The following TEX2 variants were observed in gnomAD, a reference collection of about 807,000 sequenced individuals.
TEX2 encodes testis-expressed protein 2.
A neutral mutation model predicts 106.9 loss-of-function variants in TEX2; 53 were observed. The ratio of observed to expected loss-of-function variants is 0.50; its 90% confidence interval spans 0.40 to 0.62. The LOEUF (loss-of-function observed/expected upper bound fraction) is 0.62, where lower values mean the gene tolerates loss of function less well. TEX2 is among the 20% of genes least tolerant of loss of function. The pLI is 0.00. For synonymous variants in TEX2, 523 were observed against 534.8 expected, an observed-to-expected ratio of 0.98 and a Z score of 0.30; for missense variants, 1,207 against 1,379.0, an observed-to-expected ratio of 0.88 and a Z score of 1.98.
At chr17:64,209,661 A>G (rs968318374) in intron 2 of TEX2, among the ~76,000 whole-genome samples, 1 of 152,226 alleles carries the variant, frequency 6.6e-6, no homozygotes, top group African/African-American at 2.4e-5. Context: ...AAAAGAAAAC[A>G]CTGTCCTACA....
Position 64,185,819 on chromosome 17 carries a change from G to T in TEX2, c.2424+2349C>A, listed in dbSNP as rs1357716668. 6.6e-6 allele frequency among the ~76,000 whole-genome samples: 1 copy of T among 152,176 alleles called. No homozygotes were observed. The highest frequency in any genetic ancestry group is 1.5e-5 in the Non-Finnish European group (1 of 68,026). ...TGACTGCAGTCCTGGCTACTCAGGA[G>T]GCTGAGGCAGAAGAATTGCTTGAAC... On this transcript the variant is annotated intron_variant, in intron 5 of 11. Coordinates refer to ENST00000584379, the MANE Select transcript of TEX2 (RefSeq NM_001288732.2). The surrounding 1 kb of genome is among the most constrained non-coding windows in gnomAD (Gnocchi z 4.0).
chr17:64,168,274 A>G (rs766715384), intron 7 of TEX2, among the ~76,000 whole-genome samples: 3 of 152,204 alleles, frequency 2.0e-5, no homozygotes, highest in Non-Finnish European at 4.4e-5. Context: ...TTTTATCATC[A>G]TACATGCATC....
chr17:64,152,347 G>C (rs2030398514), intron 10 of TEX2, among the ~76,000 whole-genome samples: 1 of 152,170 alleles, frequency 6.6e-6, no homozygotes, highest in South Asian at 2.1e-4. Flanking sequence ...GATGGGCCAG[G>C]CATAGCTATA....
chr17:64,222,530 A>G (rs1170933652), intron 1 of TEX2, among the ~76,000 whole-genome samples: 1 of 151,800 alleles, frequency 6.6e-6, no homozygotes, highest in Non-Finnish European at 1.5e-5. Flanking sequence ...AAAAAAAAAA[A>G]AAAAAAGCAA....
chr17:64,236,125 C>G (rs1010843269), intron 1 of TEX2, among the ~76,000 whole-genome samples: 1 of 151,914 alleles, frequency 6.6e-6, no homozygotes, highest in South Asian at 2.1e-4. Flanking sequence ...GGTTCCACAT[C>G]CGCAGATTCA....
chr17:64,168,901 G>GTTTTTTT lies in TEX2; in HGVS notation c.2671+2198_2671+2199insAAAAAAA, dbSNP rs1232809947. ...GCTATGCAGTGAACACATAGATGGTGCTTTTTTTTTTTTTTTTTGAGACAG... is the reference window on the plus strand; with the variant it reads ...GCTATGCAGTGAACACATAGATGGTGTTTTTTTCTTTTTTTTTTTTTTTTTGAGACAG... On this transcript the variant is annotated intron_variant, in intron 7 of 11. Transcript: ENST00000584379. Among the ~76,000 whole-genome samples the GTTTTTTT allele has an allele frequency of 2.7e-3, 95 of 35,190 alleles. 1 individual carries two copies. In the Middle Eastern group the frequency reaches 0.083, roughly 31 times the overall value. The allele number at this position is 35,190 out of a possible 152,430, so 23.1% of individuals were successfully genotyped here. A position where few individuals can be genotyped will look rare whatever the true frequency, so the allele number is the denominator to read the frequency against.
At position 64,158,826 on chromosome 17, in the gene TEX2, C is replaced by A. The variant is rs987440911; in HGVS notation, c.2804+1975G>T. On this transcript the variant is annotated intron_variant, in intron 8 of 11. Coordinates refer to ENST00000584379, the MANE Select transcript of TEX2 (RefSeq NM_001288732.2). Reference sequence around the variant, plus strand: ...TCCATTTTTCTGGGCCTTTTTCTCCCAAATGAAGTGCTGCTGGATTGTATT... The same window carrying A: ...TCCATTTTTCTGGGCCTTTTTCTCCAAAATGAAGTGCTGCTGGATTGTATT... Among the ~76,000 whole-genome samples the A allele has an allele frequency of 5.3e-5, 8 of 152,238 alleles. 1 individual carries two copies. The highest frequency in any genetic ancestry group is 5.2e-4 in the Admixed American group (8 of 15,296).
chr17:64,222,814 T>C (rs1414061373), intron 1 of TEX2, among the ~76,000 whole-genome samples: 2 of 136,134 alleles, frequency 1.5e-5, no homozygotes, highest in Non-Finnish European at 1.6e-5. Flanking sequence ...TATGCTCCCA[T>C]ACATTTGGGG....
intron 8 of TEX2, among the ~76,000 whole-genome samples, chr17:64,159,379 C>A (rs907585163): frequency 2.0e-5 from 3 of 152,096 alleles, no homozygotes; most frequent in Non-Finnish European, 4.4e-5. Flanking sequence ...GCAACTCTGT[C>A]GTCATGAGCT....
chr17:64,207,239 A>C (rs1555630864), intron 2 of TEX2, among the ~76,000 whole-genome samples: 1 of 152,174 alleles, frequency 6.6e-6, no homozygotes, highest in African/African-American at 2.4e-5. Context: ...ATCAGTGAGA[A>C]CTTATACGGC....
chr17:64,189,709 C>T (rs777174626), intron 4 of TEX2, among the ~76,000 whole-genome samples: 1 of 152,086 alleles, frequency 6.6e-6, no homozygotes, highest in Non-Finnish European at 1.5e-5. Flanking sequence ...AGGCTGGGCG[C>T]GGTGGCTCAC....
At chr17:64,197,664 TCCTCCCACCTCAG>T (rs373867941) in intron 2 of TEX2, among the ~76,000 whole-genome samples, 4 of 152,156 alleles carry the variant, frequency 2.6e-5, no homozygotes, top group African/African-American at 9.7e-5. Context: ...GCTCAATTAA[TCCTCCCACCTCAG>T]CCTCCCAAGT....
chr17:64,247,809 A>C (rs2034018989), intron 1 of TEX2, among the ~76,000 whole-genome samples: 1 of 152,212 alleles, frequency 6.6e-6, no homozygotes, highest in Non-Finnish European at 1.5e-5. Context: ...TCCCCACCAC[A>C]CAAATATACA....
intron 1 of TEX2, among the ~76,000 whole-genome samples, chr17:64,218,992 C>T (rs1351911079): frequency 2.6e-5 from 4 of 152,038 alleles, no homozygotes; most frequent in South Asian, 2.1e-4. Flanking sequence ...TCTCTCCCCA[C>T]GAAAGCAAAG....
At chr17:64,181,992 T>G (rs1405731966) in intron 5 of TEX2, among the ~76,000 whole-genome samples, 7 of 152,110 alleles carry the variant, frequency 4.6e-5, no homozygotes, top group Non-Finnish European at 1.0e-4. Flanking sequence ...CCCAACAAAT[T>G]TGAAAGCAGG....
intron 1 of TEX2, among the ~76,000 whole-genome samples, chr17:64,238,396 C>A (rs1254850020): frequency 6.6e-6 from 1 of 152,166 alleles, no homozygotes; most frequent in Non-Finnish European, 1.5e-5. Context: ...AAGTTAATTC[C>A]ATCTACTATT....
rs1397175302 is a variant in TEX2, at chr17:64,185,486, T to C, written c.2424+2682A>G. 6.6e-6 allele frequency among the ~76,000 whole-genome samples: 1 copy of C among 152,058 alleles called. No homozygotes were observed. Among genetic ancestry groups the C allele is most frequent in the African/African-American group, 2.4e-5 (1 of 41,364 alleles). ...GAGTTCCCTTGTTTCCTGAATTAAA[T>C]CCCCTTCCAAACCAGGCACTAAACA... On this transcript the variant is annotated intron_variant, in intron 5 of 11. Transcript: ENST00000584379. The surrounding 1 kb of genome is among the most constrained non-coding windows in gnomAD (Gnocchi z 4.0).
rs1337072508 is a variant in TEX2, at chr17:64,263,237, G to A, written c.-95C>T. 1 of 150,188 alleles carries A rather than the reference G, an allele frequency of 6.7e-6. No individual in the cohort carries two copies. Among genetic ancestry groups the A allele is most frequent in the African/African-American group, 2.4e-5 (1 of 41,138 alleles). 9.3% of individuals were successfully genotyped at this position (150,188 alleles called of 1,614,324 possible). A position where few individuals can be genotyped will look rare whatever the true frequency, so the allele number is the denominator to read the frequency against. On this transcript the variant is annotated 5_prime_UTR_variant, in exon 1 of 12. Coordinates refer to ENST00000584379, the MANE Select transcript of TEX2 (RefSeq NM_001288732.2). ...CTCCCGGCCGCGCGACTCCGGCTTC[G>A]GCTGGGGCACCGGCCGCGGTCCTGC...
At chr17:64,231,163 C>T (rs1349407625) in intron 1 of TEX2, among the ~76,000 whole-genome samples, 1 of 152,226 alleles carries the variant, frequency 6.6e-6, no homozygotes, top group Non-Finnish European at 1.5e-5. Context: ...TCAGCAGCCC[C>T]TATCTTTCCC....
Sources: allele counts gnomAD v4.1 joint callset (sites outside exome capture counted in the v4.1 genomes callset), GRCh38; gene constraint gnomAD v4.1.1; non-coding constraint Gnocchi (gnomAD v3.1); transcripts MANE v1.5; gene names NCBI Gene and HGNC (gene_info 2026-07-23, HGNC 2026-07-21).